The following USP32 variants were observed in gnomAD, a reference collection of about 807,000 sequenced individuals.
USP32 encodes ubiquitin carboxyl-terminal hydrolase 32.
USP32 carries 59 observed loss-of-function variants against 204.8 expected under a neutral mutation model. That is an observed-to-expected ratio of 0.29 (90% confidence interval 0.23 to 0.36). USP32 has a LOEUF of 0.36. Among genes scored for constraint, USP32 ranks in the 10% least tolerant of loss-of-function variants. USP32 has a pLI of 1.00. For missense variants in USP32, 1,160 were observed against 1,946.4 expected, an observed-to-expected ratio of 0.60 and a Z score of 7.60; for synonymous variants, 517 against 678.4, an observed-to-expected ratio of 0.76 and a Z score of 3.70.
chr17:60,258,947 C>A (rs1313895779), intron 9 of USP32, among the ~76,000 whole-genome samples: 1 of 152,196 alleles, frequency 6.6e-6, no homozygotes, highest in Non-Finnish European at 1.5e-5. Context: ...GCTTACAGTG[C>A]ACCTAGAACT....
At chr17:60,181,823 A>T in intron 31 of USP32, 75 bp from the exon 32 acceptor site, 1 of 1,547,942 alleles carries the variant, frequency 6.5e-7, no homozygotes, top group Non-Finnish European at 8.7e-7. Flanking sequence ...GCTACCTCTG[A>T]GGTTAGCTTC....
chr17:60,380,331 C>T (rs7223079), intron 1 of USP32, among the ~76,000 whole-genome samples: 7,349 of 152,148 alleles, frequency 0.048, 599 homozygotes, highest in African/African-American at 0.17. Context: ...CTTTGGGAGG[C>T]TGTGGTGGGT....
chr17:60,340,148 A>T (rs2088624261), intron 2 of USP32, among the ~76,000 whole-genome samples: 1 of 152,014 alleles, frequency 6.6e-6, no homozygotes, highest in African/African-American at 2.4e-5. Flanking sequence ...ATATGCACTG[A>T]CCCTTCCCTA....
chr17:60,269,784 T>C (rs2086682781), intron 6 of USP32, among the ~76,000 whole-genome samples: 1 of 152,204 alleles, frequency 6.6e-6, no homozygotes, highest in Admixed American at 6.5e-5. Context: ...AGTGTTTGGT[T>C]ATGTCCATCT....
chr17:60,363,441 C>T (rs1238646119), intron 1 of USP32, among the ~76,000 whole-genome samples: 3 of 129,560 alleles, frequency 2.3e-5, no homozygotes, highest in South Asian at 2.6e-4. Context: ...GGTGACAGAG[C>T]GAGACTCTGT....
upstream of USP32, among the ~76,000 whole-genome samples, chr17:60,394,260 T>C (rs1386996429): frequency 6.6e-6 from 1 of 152,132 alleles, no homozygotes; most frequent in Non-Finnish European, 1.5e-5. Context: ...TCGTAATTAA[T>C]GGGAAGTGAA....
At chr17:60,281,163 C>A (rs1231792394) in intron 5 of USP32, among the ~76,000 whole-genome samples, 1 of 152,214 alleles carries the variant, frequency 6.6e-6, no homozygotes, top group Admixed American at 6.5e-5. Flanking sequence ...AACAATTATT[C>A]TCTGAAGACA....
intron 27 of USP32, among the ~76,000 whole-genome samples, chr17:60,195,669 TC>T (rs1385324489): frequency 6.6e-6 from 1 of 152,158 alleles, no homozygotes; most frequent in Non-Finnish European, 1.5e-5. Flanking sequence ...TTTTCCCTTT[TC>T]AATCTCTAAA....
At chr17:60,320,761 A>G (rs2088093994) in intron 2 of USP32, among the ~76,000 whole-genome samples, 1 of 152,238 alleles carries the variant, frequency 6.6e-6, no homozygotes, top group South Asian at 2.1e-4. Flanking sequence ...AATAAATAAA[A>G]ATATTTTCAG....
At chr17:60,334,909 T>C (rs183979843) in intron 2 of USP32, among the ~76,000 whole-genome samples, 2,829 of 142,640 alleles carry the variant, frequency 0.02, 174 homozygotes, top group Non-Finnish European at 0.025. Context: ...TCCACCTGCC[T>C]CGGCCTCCCA....
upstream of USP32, among the ~76,000 whole-genome samples, chr17:60,397,064 C>T (rs1046041449): frequency 1.2e-4 from 18 of 152,160 alleles, no homozygotes; most frequent in African/African-American, 4.3e-4. Flanking sequence ...CTGGACTGTA[C>T]ATTTAGGCCA....
chr17:60,380,661 G>A (rs56384415), intron 1 of USP32, among the ~76,000 whole-genome samples: 5,309 of 152,100 alleles, frequency 0.035, 310 homozygotes, highest in African/African-American at 0.12. Context: ...TTTTACATAG[G>A]AATACACATG....
intron 15 of USP32, among the ~76,000 whole-genome samples, chr17:60,221,748 C>T (rs2085255512): frequency 6.6e-6 from 1 of 152,038 alleles, no homozygotes; most frequent in African/African-American, 2.4e-5. Context: ...TCGTGATCTG[C>T]CTGCCTCGGC....
At chr17:60,272,121 G>A (rs1024976845) in intron 5 of USP32, among the ~76,000 whole-genome samples, 2 of 152,008 alleles carry the variant, frequency 1.3e-5, no homozygotes, top group African/African-American at 4.8e-5. Flanking sequence ...AGCCATTTTT[G>A]TTTATTTTCA....
chr17:60,380,956 G>C (rs1187326836), intron 1 of USP32, among the ~76,000 whole-genome samples: 1 of 152,078 alleles, frequency 6.6e-6, no homozygotes, highest in Non-Finnish European at 1.5e-5. Flanking sequence ...GAGCCAGGAG[G>C]CATTATTTAT....
intron 1 of USP32, among the ~76,000 whole-genome samples, chr17:60,386,765 C>T (rs2089738931): frequency 6.6e-6 from 1 of 152,200 alleles, no homozygotes; most frequent in African/African-American, 2.4e-5. Flanking sequence ...CCTCATTTTG[C>T]TCATCCCCCA....
intron 27 of USP32, among the ~76,000 whole-genome samples, chr17:60,197,937 T>A (rs186297051): frequency 6.6e-6 from 1 of 152,222 alleles, no homozygotes; most frequent in Non-Finnish European, 1.5e-5. Context: ...ACTGAGATTA[T>A]ACAAATTTCC....
At chr17:60,286,802 T>G (rs2087124421) in intron 5 of USP32, among the ~76,000 whole-genome samples, 1 of 152,194 alleles carries the variant, frequency 6.6e-6, no homozygotes, top group African/African-American at 2.4e-5. Context: ...TGATCAGACC[T>G]TAGACCACAG....
At chr17:60,293,933 C>A (rs2087353623) in intron 4 of USP32, among the ~76,000 whole-genome samples, 1 of 152,220 alleles carries the variant, frequency 6.6e-6, no homozygotes, top group African/African-American at 2.4e-5. Context: ...TTGTCACATA[C>A]TAGCAGACCT....
Sources: allele counts gnomAD v4.1 joint callset (sites outside exome capture counted in the v4.1 genomes callset), GRCh38; gene constraint gnomAD v4.1.1; transcripts MANE v1.5; gene names NCBI Gene and HGNC (gene_info 2026-07-23, HGNC 2026-07-21).